The following CENPC variants were observed in gnomAD, a reference collection of about 807,000 sequenced individuals.
The protein encoded by CENPC is CENP-C 1.
CENPC carries 63 observed loss-of-function variants against 112.1 expected under a neutral mutation model. The observed-to-expected ratio is 0.56, with a 90% CI of 0.46 to 0.69. The LOEUF (loss-of-function observed/expected upper bound fraction) is 0.69. Among genes scored for constraint, CENPC ranks in the 30% least tolerant of loss-of-function variants. The pLI is 0.00. For synonymous variants in CENPC, 333 were observed against 367.6 expected (o/e 0.91, Z 1.08); for missense variants, 1,000 against 1,103.8 (o/e 0.91, Z 1.33).
At chr4:67,543,573 A>G (rs1156896508) in intron 2 of CENPC, among the ~76,000 whole-genome samples, 1 of 152,208 alleles carries the variant, frequency 6.6e-6, no homozygotes, top group Non-Finnish European at 1.5e-5. Flanking sequence ...CATTTTCCCA[A>G]CAGAAATCTA....
At chr4:67,489,900 C>T in intron 17 of CENPC, 67 bp downstream of exon 17, 8 of 1,269,992 alleles carry the variant, frequency 6.3e-6, no homozygotes, top group Non-Finnish European at 7.4e-6. Context: ...ATTTTAATGT[C>T]TCATCAAATC....
intron 5 of CENPC, among the ~76,000 whole-genome samples, chr4:67,526,396 A>C (rs1290583426): frequency 6.6e-6 from 1 of 152,180 alleles, no homozygotes; most frequent in African/African-American, 2.4e-5. Flanking sequence ...TTATGCTTAC[A>C]AACTTGACAG....
intron 8 of CENPC, 70 bp from the exon 9 acceptor site, chr4:67,512,639 T>C (rs1725928815): frequency 8.9e-7 from 1 of 1,126,946 alleles, no homozygotes; most frequent in African/African-American, 1.6e-5. Flanking sequence ...CACAAGATTA[T>C]AAAAAAACCG....
intron 7 of CENPC, 117 bp downstream of exon 7, chr4:67,518,038 TA>T: frequency 1.7e-6 from 1 of 598,512 alleles, no homozygotes; most frequent in Non-Finnish European, 2.7e-6. Context: ...AAATTTCAAT[TA>T]AAATTTTTGT....
intron 4 of CENPC, among the ~76,000 whole-genome samples, chr4:67,533,786 C>A (rs1259685691): frequency 6.6e-6 from 1 of 152,172 alleles, no homozygotes; most frequent in South Asian, 2.1e-4. Flanking sequence ...ACCTGTAATC[C>A]CAGCACTTTG....
In CENPC at chr4:67,518,292, A is replaced by G; in HGVS notation, c.694T>C (p.Ser232Pro). ...GATGGTTTTCTTTCTTGTCCTTCCG[A>G]TGTTTTATCCTCTTCATCTGATACT... ...NKVSDEEDKTSEGQERKPSGS... is the reference protein window; with the variant it reads ...NKVSDEEDKTPEGQERKPSGS... Residue 232 changes from serine (S) to proline (P), a missense_variant, in exon 7 of 19, where the codon TCG (serine) becomes CCG (proline). By Grantham distance (74) the Ser-to-Pro change is moderately conservative (BLOSUM62 -1). Transcript: ENST00000273853. 6.4e-7 allele frequency: 1 copy of G among 1,553,014 alleles called. No individual in the cohort carries two copies. The highest frequency in any genetic ancestry group is 8.7e-7 in the Non-Finnish European group (1 of 1,148,872).
chr4:67,487,630 A>G (rs1019301558), intron 17 of CENPC, among the ~76,000 whole-genome samples: 1 of 151,088 alleles, frequency 6.6e-6, no homozygotes. Context: ...AATATTCTCA[A>G]CCATTTTTCA....
chr4:67,517,506 T>C lies in CENPC; in HGVS notation c.830+650A>G, dbSNP rs560041560. 4.5e-4 allele frequency among the ~76,000 whole-genome samples: 69 copies of C among 151,842 alleles called. 1 individual carries two copies. The highest frequency in any genetic ancestry group is 1.3e-3 in the African/African-American group (55 of 41,228). On this transcript the variant is annotated intron_variant, in intron 7 of 18. Coordinates refer to ENST00000273853, the MANE Select transcript of CENPC (RefSeq NM_001812.4). The stretch of plus-strand genomic sequence containing the variant: ...TTCACTAGCACTCTGATACCTATGA[T>C]AGTGACATAAGGGCAGCCTAACATA...
At chr4:67,537,027 T>TAAA (rs74550952) in intron 4 of CENPC, among the ~76,000 whole-genome samples, 60 of 97,202 alleles carry the variant, frequency 6.2e-4, no homozygotes, top group Middle Eastern at 0.014. Flanking sequence ...TACCTCTAAT[T>TAAA]AAAAAAAAAA....
At chr4:67,501,762 T>C (rs1725596655) in intron 12 of CENPC, among the ~76,000 whole-genome samples, 1 of 152,148 alleles carries the variant, frequency 6.6e-6, no homozygotes, top group Admixed American at 6.5e-5. Flanking sequence ...AAATAATATA[T>C]CATGTCTACA....
chr4:67,473,602 G>C (rs1415155212), intron 18 of CENPC, among the ~76,000 whole-genome samples: 1 of 151,864 alleles, frequency 6.6e-6, no homozygotes, highest in African/African-American at 2.4e-5. Context: ...ACCCAGGCTG[G>C]AGTGCAGTAG....
chr4:67,534,076 A>T (rs1425335024), intron 4 of CENPC, among the ~76,000 whole-genome samples: 1 of 151,736 alleles, frequency 6.6e-6, no homozygotes, highest in East Asian at 2.0e-4. Context: ...AAAAGCGTGT[A>T]TAGTTGAATG....
chr4:67,477,035 C>T (rs1196106334), intron 17 of CENPC, among the ~76,000 whole-genome samples: 1 of 152,112 alleles, frequency 6.6e-6, no homozygotes, highest in Non-Finnish European at 1.5e-5. Flanking sequence ...AGAGTCTGAG[C>T]TCAGACACAC....
chr4:67,498,680 C>T (rs1456508365), intron 12 of CENPC, among the ~76,000 whole-genome samples: 1 of 152,194 alleles, frequency 6.6e-6, no homozygotes, highest in Non-Finnish European at 1.5e-5. Flanking sequence ...CTCCAGACTC[C>T]ACTTCTAATT....
chr4:67,477,999 G>C (rs1724852525), intron 17 of CENPC, among the ~76,000 whole-genome samples: 1 of 150,524 alleles, frequency 6.6e-6, no homozygotes, highest in Admixed American at 6.6e-5. Context: ...CAAAGACAAA[G>C]AGAAAATAAA....
intron 13 of CENPC, 66 bp from the exon 14 acceptor site, chr4:67,494,054 G>T (rs936367747): frequency 3.5e-6 from 3 of 859,002 alleles, no homozygotes; most frequent in African/African-American, 3.5e-5. Flanking sequence ...GCAGTGGAAA[G>T]ACTGTCTTTT....
chr4:67,491,512 GA>G (rs1442119414), intron 16 of CENPC, among the ~76,000 whole-genome samples: 3 of 111,060 alleles, frequency 2.7e-5, no homozygotes, highest in African/African-American at 1.1e-4. Flanking sequence ...GAGAGAGAGA[GA>G]GAGAGAGAGA....
intron 12 of CENPC, among the ~76,000 whole-genome samples, chr4:67,495,854 T>C (rs909912599): frequency 3.3e-5 from 5 of 152,226 alleles, no homozygotes; most frequent in Admixed American, 1.3e-4. Flanking sequence ...TTCTCAACTT[T>C]GGTAACTAGC....
At position 67,514,782 on chromosome 4, in the gene CENPC, T is replaced by C. The variant is rs181141853; in HGVS notation, c.831-95A>G. The C allele has an allele frequency of 4.1e-5, 51 of 1,244,248 alleles. No individual in the cohort carries two copies. The African/African-American group carries it at 6.4e-4, about 16-fold the overall frequency. The allele number at this position is 1,244,248 out of a possible 1,614,324, so 77.1% of individuals were successfully genotyped here. On this transcript the variant is annotated intron_variant, in intron 7 of 18. Transcript: ENST00000273853. Reference sequence around the variant, plus strand: ...ATCTAGGAAATAAAATCTAAATTTCTTTTAAACTGTTTATATATCTCCTCA... The same window carrying C: ...ATCTAGGAAATAAAATCTAAATTTCCTTTAAACTGTTTATATATCTCCTCA...
Sources: allele counts gnomAD v4.1 joint callset (sites outside exome capture counted in the v4.1 genomes callset), GRCh38; gene constraint gnomAD v4.1.1; transcripts MANE v1.5; gene names NCBI Gene and HGNC (gene_info 2026-07-23, HGNC 2026-07-21).